AVIL: variants seen among roughly 807,000 people sequenced by gnomAD.
The protein encoded by AVIL is advillin.
In AVIL, 78 loss-of-function variants were observed where a neutral mutation model predicts 109.9. The ratio of observed to expected loss-of-function variants is 0.71; its 90% confidence interval spans 0.59 to 0.86. The LOEUF is 0.86. Ranked by LOEUF, AVIL falls within the 40% of genes least tolerant of loss-of-function variation. The pLI, the probability that AVIL is intolerant of heterozygous loss-of-function variation, is 0.00. For synonymous variants in AVIL, 367 were observed against 379.1 expected, an observed-to-expected ratio of 0.97 and a Z score of 0.37; for missense variants, 892 against 1,016.5, an observed-to-expected ratio of 0.88 and a Z score of 1.67.
At chr12:57,812,592 C>A (rs983377018) in intron 4 of AVIL, among the ~76,000 whole-genome samples, 3 of 149,316 alleles carry the variant, frequency 2.0e-5, no homozygotes, top group Non-Finnish European at 4.5e-5. Context: ...GAACTCCTGA[C>A]CTCGTGATCC....
At chr12:57,799,652 T>G in intron 19 of AVIL, 143 bp downstream of exon 19, 1 of 1,129,534 alleles carries the variant, frequency 8.9e-7, no homozygotes, top group Non-Finnish European at 1.3e-6. Flanking sequence ...ACCCTGGTTT[T>G]TTTTGGTTTG....
In AVIL at chr12:57,807,665, A is replaced by G. The variant is rs1197109528; in HGVS notation, c.1257T>C (p.Tyr419=). ...AGAGGACCAGATAACAGTCTCCCCC[A>G]TAAAAGAAGCCATACCATTGATACT... ...PVEYQWYGFF[Y]GGDCYLVLYT... is the part of the protein sequence containing the mutation. The change falls in exon 12 of 20, where the codon TAT becomes TAC. Residue 419 remains tyrosine, a synonymous_variant. Coordinates refer to ENST00000549994, the MANE Select transcript of AVIL (RefSeq NM_006576.4). The G allele has an allele frequency of 6.2e-7, 1 of 1,614,152 alleles. No homozygotes were observed. The highest frequency in any genetic ancestry group is 2.2e-5 in the East Asian group (1 of 44,894).
At chr12:57,816,938 A>G (rs550388409) in intron 1 of AVIL, among the ~76,000 whole-genome samples, 38 of 151,470 alleles carry the variant, frequency 2.5e-4, no homozygotes, top group Non-Finnish European at 4.9e-4. Context: ...GGAAGCGTGA[A>G]CCTCAGACAC....
Position 57,803,240 on chromosome 12 carries a change from G to A in AVIL, c.1962+7C>T. ...CTCATGTTCTGACTTCTGCAGCTGT[G>A]TCTTACCTGGTCCCAGGTATCTAGG... On this transcript the variant is annotated splice_region_variant and intron_variant, in intron 16 of 19. Coordinates refer to ENST00000549994, the MANE Select transcript of AVIL (RefSeq NM_006576.4). The A allele has an allele frequency of 6.2e-7, 1 of 1,613,990 alleles. No homozygotes were observed. Among genetic ancestry groups the A allele is most frequent in the Non-Finnish European group, 8.5e-7 (1 of 1,179,960 alleles).
At chr12:57,806,593 G>A in intron 13 of AVIL, 54 bp from the exon 14 acceptor site, 2 of 1,581,802 alleles carry the variant, frequency 1.3e-6, no homozygotes, top group South Asian at 1.1e-5. Flanking sequence ...TGAGCAGAGT[G>A]CTAGAGGAGC....
chr12:57,809,638 C>T lies in AVIL; in HGVS notation c.898G>A (p.Ala300Thr), dbSNP rs189640914. ...GCTGCCTGTTTTTCAGCCTTTGTGG[C>T]TCCTTTTCCTTTCCACACGTAGATT... is the stretch of plus-strand genomic sequence containing the variant. ...TKIYVWKGKG[A>T]TKAEKQAAMS... Residue 300 changes from alanine (A) to threonine (T), a missense_variant, in exon 9 of 20, where the codon GCC becomes ACC. Coordinates refer to ENST00000549994, the MANE Select transcript of AVIL (RefSeq NM_006576.4). 1.2e-4 allele frequency: 186 copies of T among 1,614,232 alleles called. 1 individual carries two copies. Among genetic ancestry groups the T allele is most frequent in the Middle Eastern group, 8.2e-4 (5 of 6,062 alleles).
rs369859166 is a variant in AVIL, at chr12:57,808,775, T to A, written c.940-227A>T. On this transcript the variant is annotated intron_variant, in intron 9 of 19. Transcript: ENST00000549994. Reference sequence around the variant, plus strand: ...GTTTATTGGCTTGCGGTGATTATGGTTGTTAATTTTTAGGATGATTATGCT... The same window carrying A: ...GTTTATTGGCTTGCGGTGATTATGGATGTTAATTTTTAGGATGATTATGCT... The A allele has an allele frequency of 1.5e-4, 80 of 534,650 alleles. 1 individual carries two copies. The highest frequency in any genetic ancestry group is 1.4e-3 in the African/African-American group (74 of 52,652). The allele number at this position is 534,650 out of a possible 1,614,324, so 33.1% of individuals were successfully genotyped here.
Position 57,797,456 on chromosome 12 carries a change from A to G in AVIL, c.*426T>C, listed in dbSNP as rs1955758937. On this transcript the variant is annotated 3_prime_UTR_variant, in exon 20 of 20. Transcript: ENST00000549994. ...AGATCTGGGTATTTGGATTTTGCCT[A>G]TGGAGTGCATATATGATTTCAATGA... The G allele has an allele frequency of 5.1e-6, 5 of 985,376 alleles. No homozygotes were observed. The highest frequency in any genetic ancestry group is 4.7e-5 in the South Asian group (1 of 21,290). 61.0% of individuals were successfully genotyped at this position (985,376 alleles called of 1,614,324 possible). A position where few individuals can be genotyped will look rare whatever the true frequency, so the allele number is the denominator to read the frequency against.
chr12:57,808,389 T>C lies in AVIL; in HGVS notation c.1093+6A>G. ...CAATGAGAGGATGATCTGGGGGCAG[T>C]CTCACCAATTTTACCAATGCTGAAC... On this transcript the variant is annotated splice_donor_region_variant and intron_variant, in intron 10 of 19. Transcript: ENST00000549994. The C allele has an allele frequency of 6.2e-7, 1 of 1,614,126 alleles. No individual in the cohort carries two copies. The highest frequency in any genetic ancestry group is 1.1e-5 in the South Asian group (1 of 91,082).
intron 4 of AVIL, among the ~76,000 whole-genome samples, chr12:57,812,976 C>T (rs931875155): frequency 6.6e-6 from 1 of 152,228 alleles, no homozygotes; most frequent in Non-Finnish European, 1.5e-5. Flanking sequence ...GCAAGTGGCA[C>T]TGACTACTCT....
At chr12:57,801,601 A>G (rs1013401139) in intron 17 of AVIL, among the ~76,000 whole-genome samples, 3 of 152,122 alleles carry the variant, frequency 2.0e-5, no homozygotes, top group Non-Finnish European at 4.4e-5. Flanking sequence ...TTAGCTGGGC[A>G]TGGTGGTGCA....
intron 3 of AVIL, 86 bp from the exon 4 acceptor site, chr12:57,813,509 T>C (rs1488393047): frequency 1.5e-6 from 2 of 1,353,752 alleles, no homozygotes; most frequent in East Asian, 2.3e-5. Context: ...ATGCAGCACA[T>C]GTGCATGCCC....
chr12:57,803,481 A>G (rs752302777), intron 15 of AVIL, 43 bp downstream of exon 15: 1 of 1,613,776 alleles, frequency 6.2e-7, no homozygotes, highest in South Asian at 1.1e-5. Context: ...CAAGCCTGGC[A>G]GGCAGGGGGA....
chr12:57,818,182 C>CTTGTTTTTTTTT (rs1956120003), intron 1 of AVIL, among the ~76,000 whole-genome samples: 2 of 35,254 alleles, frequency 5.7e-5, no homozygotes, highest in African/African-American at 9.2e-5. Context: ...CCATGCTTGG[C>CTTGTTTTTTTTT]TTTTTTTTTT....
intron 19 of AVIL, 95 bp from the exon 20 acceptor site, chr12:57,798,090 G>A (rs1193052989): frequency 2.8e-6 from 2 of 718,668 alleles, no homozygotes; most frequent in African/African-American, 1.8e-5. Context: ...GTTCTAGGTG[G>A]ATCCTTGAAG....
In AVIL at chr12:57,798,006, A is replaced by G. The variant is rs1955770474; in HGVS notation, c.2347-11T>C. On this transcript the variant is annotated splice_polypyrimidine_tract_variant and intron_variant, in intron 19 of 19. Coordinates refer to ENST00000549994, the MANE Select transcript of AVIL (RefSeq NM_006576.4). Reference sequence around the variant, plus strand: ...TTCAGAGAGGTAATTCTAAGAGAGAAAACAAAGTTTCTAGTTAGAAGGAAG... The same window carrying G: ...TTCAGAGAGGTAATTCTAAGAGAGAGAACAAAGTTTCTAGTTAGAAGGAAG... 2.6e-6 allele frequency: 4 copies of G among 1,563,436 alleles called. No individual in the cohort carries two copies. The East Asian group carries it at 6.9e-5, about 27-fold the overall frequency.
intron 17 of AVIL, 80 bp from the exon 18 acceptor site, chr12:57,801,292 G>A: frequency 8.3e-7 from 1 of 1,211,588 alleles, no homozygotes; most frequent in Non-Finnish European, 1.2e-6. Flanking sequence ...TGTGTCTTCA[G>A]GAAAAGCAAA....
At chr12:57,809,948 A>T in intron 7 of AVIL, 58 bp from the exon 8 acceptor site, 1 of 1,567,378 alleles carries the variant, frequency 6.4e-7, no homozygotes, top group South Asian at 1.1e-5. Context: ...CTTGTAGTCA[A>T]CTAGATGTTG....
intron 9 of AVIL, 103 bp downstream of exon 9, chr12:57,809,494 C>T (rs1314236827): frequency 3.0e-6 from 4 of 1,353,580 alleles, no homozygotes; most frequent in Non-Finnish European, 4.2e-6. Context: ...TACGTAAGCA[C>T]AATGTTATAT....
Sources: allele counts gnomAD v4.1 joint callset (sites outside exome capture counted in the v4.1 genomes callset), GRCh38; gene constraint gnomAD v4.1.1; transcripts MANE v1.5; gene names NCBI Gene and HGNC (gene_info 2026-07-23, HGNC 2026-07-21).